Variants in PSMC6 observed in about 807,000 individuals in gnomAD.
The protein encoded by PSMC6 is proteasome 26S subunit, ATPase 6.
In PSMC6, 3 loss-of-function variants were observed where a neutral mutation model predicts 55.9. The observed-to-expected ratio is 0.05, with a 90% CI of 0.02 to 0.14. The LOEUF (loss-of-function observed/expected upper bound fraction) is 0.14. PSMC6 is among the 10% of genes least tolerant of loss of function. PSMC6 has a pLI of 1.00. For missense variants in PSMC6, 210 were observed against 478.7 expected (o/e 0.44, Z 5.24); for synonymous variants, 137 against 155.9 (o/e 0.88, Z 0.90).
intron 10 of PSMC6, among the ~76,000 whole-genome samples, chr14:52,719,456 A>C (rs370639076): frequency 6.6e-6 from 1 of 152,222 alleles, no homozygotes; most frequent in African/African-American, 2.4e-5. Context: ...GAGGCAACTA[A>C]AATAGTTTTG....
At chr14:52,719,181 T>C (rs2041862732) in intron 10 of PSMC6, 143 bp downstream of exon 10, 1 of 823,710 alleles carries the variant, frequency 1.2e-6, no homozygotes, top group African/African-American at 1.7e-5. Context: ...CAAACATGTT[T>C]CTCTATCACA....
rs370742245 is a variant in PSMC6, at chr14:52,721,201, C to A, written c.979+11C>A. On this transcript the variant is annotated intron_variant, in intron 12 of 13. Coordinates refer to ENST00000445930, the MANE Select transcript of PSMC6 (RefSeq NM_002806.5). ...AGCATGGTGAAATAGGTAAGGAAGT[C>A]ATCTATTTTATATGTATTTACATTT... 9 of 1,532,512 alleles carry A rather than the reference C, an allele frequency of 5.9e-6. No homozygotes were observed. In the African/African-American group the frequency reaches 8.4e-5, roughly 14 times the overall value. 94.9% of individuals were successfully genotyped at this position (1,532,512 alleles called of 1,614,324 possible). A position where few individuals can be genotyped will look rare whatever the true frequency, so the allele number is the denominator to read the frequency against.
chr14:52,723,743 T>G, intron 12 of PSMC6: 5 of 1,076,382 alleles, frequency 4.6e-6, no homozygotes, highest in Non-Finnish European at 6.2e-6. Flanking sequence ...TTTGGTGATA[T>G]TTCCTGTTTT....
At chr14:52,708,226 CGTAAACA>C (rs2041725973) in intron 1 of PSMC6, 76 bp from the exon 2 acceptor site, 1 of 1,182,804 alleles carries the variant, frequency 8.5e-7, no homozygotes, top group East Asian at 2.5e-5. Flanking sequence ...AGTAGACTTA[CGTAAACA>C]GTAAAGTGAG....
intron 6 of PSMC6, among the ~76,000 whole-genome samples, chr14:52,712,454 C>T (rs759257587): frequency 8.6e-5 from 13 of 150,768 alleles, no homozygotes; most frequent in Admixed American, 2.6e-4. Context: ...CTTCATAAAA[C>T]GGTGAAAACT....
intron 9 of PSMC6, 145 bp from the exon 10 acceptor site, chr14:52,718,823 ACACCAAAAT>A (rs1459976092): frequency 2.8e-5 from 18 of 632,240 alleles, no homozygotes; most frequent in Non-Finnish European, 4.1e-5. Flanking sequence ...GAGAAATGTT[ACACCAAAAT>A]CAAGTCTAAC....
At position 52,718,967 on chromosome 14, in the gene PSMC6, A is replaced by T. The variant is rs1474720125; in HGVS notation, c.716-10A>T. 6.2e-6 allele frequency: 10 copies of T among 1,602,220 alleles called. 1 individual carries two copies. The highest frequency in any genetic ancestry group is 8.5e-6 in the Non-Finnish European group (10 of 1,169,764). ...GTAATGCATATAAATTTCCAAATCT[A>T]CTATCTTAGGTGGTCGTCGGTTTTC... On this transcript the variant is annotated splice_polypyrimidine_tract_variant and intron_variant, in intron 9 of 13. Transcript: ENST00000445930.
chr14:52,707,317 T>G lies in PSMC6; in HGVS notation c.85+13T>G. 1.9e-6 allele frequency: 3 copies of G among 1,613,692 alleles called. No individual in the cohort carries two copies. In the East Asian group the frequency reaches 6.7e-5, roughly 36 times the overall value. Reference sequence around the variant, plus strand: ...CGTCTTAAGGAGTGTGAGTGCACCTTTCTTTCCATTTAATCAAGTGCCTCG... The same window carrying G: ...CGTCTTAAGGAGTGTGAGTGCACCTGTCTTTCCATTTAATCAAGTGCCTCG... On this transcript the variant is annotated intron_variant, in intron 1 of 13. Coordinates refer to ENST00000445930, the MANE Select transcript of PSMC6 (RefSeq NM_002806.5).
chr14:52,712,945 C>T (rs575559954), intron 6 of PSMC6, among the ~76,000 whole-genome samples: 3 of 152,152 alleles, frequency 2.0e-5, no homozygotes, highest in African/African-American at 4.8e-5. Flanking sequence ...AGAAATTTCT[C>T]TCTCGGTCAG....
At chr14:52,713,796 C>G (rs2041800645) in intron 6 of PSMC6, 85 bp from the exon 7 acceptor site, 1 of 846,214 alleles carries the variant, frequency 1.2e-6, no homozygotes, top group East Asian at 2.5e-5. Context: ...GTACACCTAA[C>G]TAAGGTGATA....
At chr14:52,721,007 T>TC (rs2041884744) in intron 11 of PSMC6, 26 bp downstream of exon 11, 1 of 1,606,228 alleles carries the variant, frequency 6.2e-7, no homozygotes, top group African/African-American at 1.3e-5. Flanking sequence ...TTACCTACTG[T>TC]CCATTTCCCT....
intron 7 of PSMC6, among the ~76,000 whole-genome samples, chr14:52,714,226 A>G (rs1461458739): frequency 6.6e-6 from 1 of 152,066 alleles, no homozygotes; most frequent in African/African-American, 2.4e-5. Context: ...TGTTTTGTAG[A>G]GAAGCAATTT....
Position 52,717,888 on chromosome 14 carries a change from C to T in PSMC6, c.530-193C>T, listed in dbSNP as rs529470921. On this transcript the variant is annotated intron_variant, in intron 7 of 13. Coordinates refer to ENST00000445930, the MANE Select transcript of PSMC6 (RefSeq NM_002806.5). Reference sequence around the variant, plus strand: ...CAGACAAACAAAAAACTTAGCTGTGCGTGATGGCACATGCCTGTCATCCCA... The same window carrying T: ...CAGACAAACAAAAAACTTAGCTGTGTGTGATGGCACATGCCTGTCATCCCA... Among the ~76,000 whole-genome samples, 4 of 151,934 alleles carry T rather than the reference C, an allele frequency of 2.6e-5. No homozygotes were observed. In the East Asian group the frequency reaches 5.9e-4, roughly 22 times the overall value.
In PSMC6 at chr14:52,720,222, CAAAAAA is replaced by C. The variant is rs34123680; in HGVS notation, c.778-622_778-617del. Reference sequence around the variant, plus strand: ...GGGTGACAGAGCGAGAGTCTGTCTCCAAAAAAAAAAAAAAAAAAAAAAGCAGTCCCA... The same window carrying C: ...GGGTGACAGAGCGAGAGTCTGTCTCCAAAAAAAAAAAAAAAAGCAGTCCCA... On this transcript the variant is annotated intron_variant, in intron 10 of 13. Coordinates refer to ENST00000445930, the MANE Select transcript of PSMC6 (RefSeq NM_002806.5). Among the ~76,000 whole-genome samples, 553 of 62,376 alleles carry C rather than the reference CAAAAAA, an allele frequency of 8.9e-3. 3 individuals carry two copies. The highest frequency in any genetic ancestry group is 0.032 in the African/African-American group (466 of 14,628). 40.9% of individuals were successfully genotyped at this position (62,376 alleles called of 152,430 possible).
At position 52,721,206 on chromosome 14, in the gene PSMC6, A is replaced by G; in HGVS notation, c.979+16A>G. 1.3e-6 allele frequency: 2 copies of G among 1,509,970 alleles called. No homozygotes were observed. The highest frequency in any genetic ancestry group is 1.8e-6 in the Non-Finnish European group (2 of 1,116,118). 93.5% of individuals were successfully genotyped at this position (1,509,970 alleles called of 1,614,324 possible). Reference sequence around the variant, plus strand: ...GGTGAAATAGGTAAGGAAGTCATCTATTTTATATGTATTTACATTTGGTAA... The same window carrying G: ...GGTGAAATAGGTAAGGAAGTCATCTGTTTTATATGTATTTACATTTGGTAA... On this transcript the variant is annotated intron_variant, in intron 12 of 13. Coordinates refer to ENST00000445930, the MANE Select transcript of PSMC6 (RefSeq NM_002806.5).
Position 52,718,254 on chromosome 14 carries a change from A to G in PSMC6, c.617A>G (p.Lys206Arg). ...LKVVSSSIVD[K>R]YIGESARLIR... Reference sequence around the variant, plus strand: ...GTTGTATCTAGTTCTATTGTAGACAAGTACATTGGTGAAAGTGCTCGTTTG... The same window carrying G: ...GTTGTATCTAGTTCTATTGTAGACAGGTACATTGGTGAAAGTGCTCGTTTG... The change falls in exon 9 of 14, where the codon AAG becomes AGG. Residue 206 changes from lysine to arginine, a missense_variant. Around this residue, in one of 4 missense-constraint regions of PSMC6, gnomAD observed 101 missense variants for 250.4 expected, o/e 0.40. Transcript: ENST00000445930. 1 of 1,611,858 alleles carries G rather than the reference A, an allele frequency of 6.2e-7. No individual in the cohort carries two copies. Among genetic ancestry groups the G allele is most frequent in the Non-Finnish European group, 8.5e-7 (1 of 1,177,960 alleles).
chr14:52,724,696 A>G (rs943825654), intron 13 of PSMC6, among the ~76,000 whole-genome samples: 1 of 152,210 alleles, frequency 6.6e-6, no homozygotes, highest in African/African-American at 2.4e-5. Context: ...TCTACATGGT[A>G]TGTAAAAATT....
chr14:52,709,442 G>T, intron 4 of PSMC6: 2 of 315,138 alleles, frequency 6.3e-6, no homozygotes, highest in South Asian at 2.5e-5. Context: ...ACAGAACATG[G>T]CTGTAAGGGA....
At chr14:52,707,496 C>A (rs757335909) in intron 1 of PSMC6, 192 bp downstream of exon 1, 2 of 675,764 alleles carry the variant, frequency 3.0e-6, no homozygotes. Context: ...ATGGCCCAGT[C>A]CAGCCCGGGT....
Sources: allele counts gnomAD v4.1 joint callset (sites outside exome capture counted in the v4.1 genomes callset), GRCh38; gene constraint gnomAD v4.1.1; regional missense constraint gnomAD v4.1.1; transcripts MANE v1.5; gene names NCBI Gene and HGNC (gene_info 2026-07-23, HGNC 2026-07-21).